SPTAN1: variants seen among roughly 807,000 people sequenced by gnomAD.
SPTAN1 encodes the protein spectrin alpha chain, non-erythrocytic 1.
A neutral mutation model predicts 331.3 loss-of-function variants in SPTAN1; 61 were observed. The ratio of observed to expected loss-of-function variants is 0.18; its 90% confidence interval spans 0.15 to 0.23. SPTAN1 has a LOEUF of 0.23. Ranked by LOEUF, SPTAN1 falls within the 10% of genes least tolerant of loss-of-function variation. The pLI is 1.00. For synonymous variants in SPTAN1, 1,153 were observed against 1,173.9 expected (o/e 0.98, Z 0.36); for missense variants, 2,043 against 3,147.9 (o/e 0.65, Z 8.40).
At position 128,632,338 on chromosome 9, in the gene SPTAN1, T is replaced by C. The variant is rs776795375; in HGVS notation, c.6959+15T>C. On this transcript the variant is annotated intron_variant, in intron 53 of 56. Coordinates refer to ENST00000372739, the MANE Select transcript of SPTAN1 (RefSeq NM_001130438.3). ...ATCCAGGCCAGGTACCCGGGAGGGC[T>C]GTGGGCCAGGCTCAGCCCAGAGCAG... 43 of 1,613,466 alleles carry C rather than the reference T, an allele frequency of 2.7e-5. No individual in the cohort carries two copies. In the East Asian group the frequency reaches 9.6e-4, roughly 36 times the overall value.
chr9:128,626,822 T>C, intron 49 of SPTAN1, 135 bp downstream of exon 49: 3 of 1,059,108 alleles, frequency 2.8e-6, no homozygotes, highest in Non-Finnish European at 4.2e-6. Context: ...AAGTTTCATT[T>C]CTTTTTGTGT....
intron 1 of SPTAN1, among the ~76,000 whole-genome samples, chr9:128,564,766 C>T (rs1386733336): frequency 1.1e-4 from 17 of 152,130 alleles, no homozygotes; most frequent in Admixed American, 1.1e-3. Context: ...TTACCCATTT[C>T]AGCTGGGTGT....
At chr9:128,619,332 C>G (rs1210955210) in intron 44 of SPTAN1, among the ~76,000 whole-genome samples, 1 of 152,222 alleles carries the variant, frequency 6.6e-6, no homozygotes, top group Non-Finnish European at 1.5e-5. Context: ...CGGAGTACCA[C>G]AGACAGAGTG....
At chr9:128,597,438 T>G (rs561501723) in intron 24 of SPTAN1, among the ~76,000 whole-genome samples, 1 of 152,322 alleles carries the variant, frequency 6.6e-6, no homozygotes, top group East Asian at 1.9e-4. Flanking sequence ...GTAGGAGGAT[T>G]GCTTGAGCCT....
At chr9:128,589,022 A>T in intron 21 of SPTAN1, 79 bp downstream of exon 21, 1 of 1,576,006 alleles carries the variant, frequency 6.3e-7, no homozygotes. Flanking sequence ...TGTGGGTTGC[A>T]TGTCTCCCTG....
intron 26 of SPTAN1, 115 bp from the exon 27 acceptor site, chr9:128,599,963 AAT>A: frequency 9.7e-7 from 1 of 1,032,502 alleles, no homozygotes; most frequent in African/African-American, 1.6e-5. Context: ...TGTTTTGGTT[AAT>A]GTATTAGTAT....
intron 41 of SPTAN1, among the ~76,000 whole-genome samples, chr9:128,617,029 A>G (rs1357359767): frequency 6.6e-6 from 1 of 151,912 alleles, no homozygotes; most frequent in Non-Finnish European, 1.5e-5. Flanking sequence ...CTTGAATCCA[A>G]GAGTTTGAGA....
chr9:128,584,944 G>GATGGTATTCAGCCC, intron 18 of SPTAN1, 101 bp downstream of exon 18: 2 of 1,380,786 alleles, frequency 1.4e-6, no homozygotes, highest in Non-Finnish European at 2.1e-6. Context: ...AGGCTCTGGG[G>GATGGTATTCAGCCC]CTGAATACCA....
chr9:128,582,980 T>C (rs539985611), intron 14 of SPTAN1, 97 bp from the exon 15 acceptor site: 20 of 1,574,490 alleles, frequency 1.3e-5, no homozygotes, highest in Non-Finnish European at 1.7e-5. Context: ...GCCAACTGTT[T>C]TATACATTCC....
At chr9:128,621,919 C>G (rs1397558090) in intron 45 of SPTAN1, 2 of 159,356 alleles carry the variant, frequency 1.3e-5, no homozygotes, top group Non-Finnish European at 2.8e-5. Flanking sequence ...CCAGCAATCA[C>G]TCAGGTGCAG....
intron 10 of SPTAN1, 86 bp from the exon 11 acceptor site, chr9:128,580,836 T>C: frequency 6.3e-7 from 1 of 1,591,302 alleles, no homozygotes; most frequent in Non-Finnish European, 8.6e-7. Context: ...GCACTAGGAT[T>C]AGGAATTCCA....
intron 1 of SPTAN1, among the ~76,000 whole-genome samples, chr9:128,555,956 T>C (rs1387402627): frequency 6.6e-6 from 1 of 152,188 alleles, no homozygotes; most frequent in Non-Finnish European, 1.5e-5. Flanking sequence ...GTGCGGTGGC[T>C]CATGCCTGTA....
Position 128,592,968 on chromosome 9 carries a change from G to T in SPTAN1, c.3156-15G>T, listed in dbSNP as rs374756919. 1.2e-6 allele frequency: 2 copies of T among 1,601,936 alleles called. No individual in the cohort carries two copies. The highest frequency in any genetic ancestry group is 4.5e-5 in the East Asian group (2 of 44,636). On this transcript the variant is annotated splice_polypyrimidine_tract_variant and intron_variant, in intron 22 of 56. Transcript: ENST00000372739. ...ACTAATTCGTGCATGCTTTTGCTGT[G>T]CCCCCTCTGTGCAGGACACGCATAA... is the stretch of plus-strand genomic sequence containing the variant.
chr9:128,558,105 A>G lies in SPTAN1; in HGVS notation c.-4+5409A>G, dbSNP rs538678256. Among the ~76,000 whole-genome samples, 85 of 152,252 alleles carry G rather than the reference A, an allele frequency of 5.6e-4. 2 individuals carry two copies. The highest frequency in any genetic ancestry group is 2.0e-3 in the African/African-American group (82 of 41,570). On this transcript the variant is annotated intron_variant, in intron 1 of 56. Transcript: ENST00000372739. ...GGCGTGAGCCACCGCGCCCAGCTGTATATTAGAAATTTCTAGCCAAGATTC... is the reference window on the plus strand; with the variant it reads ...GGCGTGAGCCACCGCGCCCAGCTGTGTATTAGAAATTTCTAGCCAAGATTC...
chr9:128,583,935 A>T lies in SPTAN1; in HGVS notation c.2159A>T (p.His720Leu), dbSNP rs759274173. The change falls in exon 16 of 57, where the codon CAT becomes CTT. Residue 720 changes from histidine (H) to leucine (L), a missense_variant. His to Leu is a moderately conservative substitution (Grantham distance 99). This residue lies in a region of SPTAN1 where 1,038 missense variants were observed against 1,531.5 expected (regional missense o/e 0.68). Transcript: ENST00000372739. ...LTNVQNLQKK[H>L]ALLEADVAAH... ...AATGTGCAGAACCTCCAGAAGAAAC[A>T]TGCACTGCTAGAGGCAGATGTGGCT... 1 of 1,614,210 alleles carries T rather than the reference A, an allele frequency of 6.2e-7. No homozygotes were observed. The highest frequency in any genetic ancestry group is 1.1e-5 in the South Asian group (1 of 91,086).
rs1380318920 is a variant in SPTAN1, at chr9:128,560,862, A to C, written c.-3-5876A>C. Reference sequence around the variant, plus strand: ...TGAAACCCAATCTCTACAAAAGTACAAAAATTAGTCGCGTGTGGTGGCGGG... The same window carrying C: ...TGAAACCCAATCTCTACAAAAGTACCAAAATTAGTCGCGTGTGGTGGCGGG... On this transcript the variant is annotated intron_variant, in intron 1 of 56. Coordinates refer to ENST00000372739, the MANE Select transcript of SPTAN1 (RefSeq NM_001130438.3). 2.6e-5 allele frequency among the ~76,000 whole-genome samples: 4 copies of C among 151,598 alleles called. No individual in the cohort carries two copies. The East Asian group carries it at 7.9e-4, about 30-fold the overall frequency.
At position 128,627,817 on chromosome 9, in the gene SPTAN1, C is replaced by G; in HGVS notation, c.6690-108C>G. 7.1e-7 allele frequency: 1 copy of G among 1,414,344 alleles called. No homozygotes were observed. The highest frequency in any genetic ancestry group is 1.0e-6 in the Non-Finnish European group (1 of 998,424). The allele number at this position is 1,414,344 out of a possible 1,614,324, so 87.6% of individuals were successfully genotyped here. On this transcript the variant is annotated intron_variant, in intron 50 of 56. Coordinates refer to ENST00000372739, the MANE Select transcript of SPTAN1 (RefSeq NM_001130438.3). The surrounding 1 kb of genome is among the most constrained non-coding windows in gnomAD (Gnocchi z 4.9). ...GGTCTGTGCGTTGGGTACTGATGTT[C>G]TTGCTTTTGTTTTCCTTTCTTTCTT...
chr9:128,573,468 T>C lies in SPTAN1; in HGVS notation c.364-1207T>C, dbSNP rs537629785. 3.3e-5 allele frequency among the ~76,000 whole-genome samples: 5 copies of C among 152,298 alleles called. No individual in the cohort carries two copies. The East Asian group carries it at 9.7e-4, about 29-fold the overall frequency. On this transcript the variant is annotated intron_variant, in intron 3 of 56. Transcript: ENST00000372739. ...ACCCCATCTTTTCTACTTTTTTATT[T>C]TTCCCGAGATGGATTCTTGTTCTGT...
intron 31 of SPTAN1, among the ~76,000 whole-genome samples, 160 bp from the exon 32 acceptor site, chr9:128,607,444 T>A (rs576279414): frequency 1.6e-4 from 25 of 152,236 alleles, no homozygotes; most frequent in Admixed American, 1.6e-3. Flanking sequence ...TAACAAGAAG[T>A]TTTTTAACAC....
Sources: gnomAD v4.1 joint callset for allele counts (sites outside exome capture counted in the v4.1 genomes callset) on GRCh38, gnomAD v4.1.1 for gene constraint, gnomAD v4.1.1 regional missense constraint, Gnocchi (gnomAD v3.1) non-coding constraint, MANE v1.5 for transcripts, NCBI Gene and HGNC (gene_info 2026-07-23, HGNC 2026-07-21) for gene names.